The following SUCO variants were observed in gnomAD, a reference collection of about 807,000 sequenced individuals.
SUCO encodes SUN domain containing ossification factor.
A neutral mutation model predicts 148.1 loss-of-function variants in SUCO; 57 were observed. The ratio of observed to expected loss-of-function variants is 0.38; its 90% CI spans 0.31 to 0.48. The LOEUF (loss-of-function observed/expected upper bound fraction) is 0.48, where lower values mean the gene tolerates loss of function less well. SUCO is among the 20% of genes least tolerant of loss of function. The pLI is 0.96. For synonymous variants in SUCO, 470 were observed against 502.7 expected (o/e 0.93, Z 0.87); for missense variants, 1,331 against 1,468.2 (o/e 0.91, Z 1.53).
intron 4 of SUCO, 71 bp downstream of exon 4, chr1:172,556,094 A>G (rs1653739865): frequency 2.4e-6 from 3 of 1,272,402 alleles, no homozygotes; most frequent in South Asian, 1.3e-5. Context: ...TCCTTAAAAG[A>G]TAAAGCAGCT....
intron 23 of SUCO, chr1:172,609,525 A>G: frequency 1.0e-6 from 1 of 967,330 alleles, no homozygotes; most frequent in Non-Finnish European, 1.2e-6. Flanking sequence ...AGCAACCTGT[A>G]TGCTCTCTGG....
chr1:172,556,724 G>C, intron 4 of SUCO: 1 of 985,136 alleles, frequency 1.0e-6, no homozygotes, highest in Middle Eastern at 5.2e-4. Context: ...GGGAACAGAA[G>C]ACATGTTGAG....
upstream of SUCO, chr1:172,532,564 A>C: frequency 6.2e-7 from 1 of 1,613,924 alleles, no homozygotes; most frequent in Non-Finnish European, 8.5e-7. Flanking sequence ...GGCTTGGTGC[A>C]GCTTCCCTCA....
intron 14 of SUCO, chr1:172,578,614 A>C: frequency 2.3e-6 from 2 of 856,098 alleles, no homozygotes; most frequent in Non-Finnish European, 2.8e-6. Flanking sequence ...TTTGTAACTG[A>C]AACTCCCTTC....
chr1:172,585,218 T>A (rs756376083), intron 16 of SUCO, 132 bp downstream of exon 16: 310 of 824,414 alleles, frequency 3.8e-4, no homozygotes, highest in Non-Finnish European at 5.1e-4. Context: ...CAGAGGAACT[T>A]ACCAATCTTT....
At chr1:172,538,495 C>T (rs1469097809) in intron 1 of SUCO, among the ~76,000 whole-genome samples, 1 of 151,944 alleles carries the variant, frequency 6.6e-6, no homozygotes, top group African/African-American at 2.4e-5. Context: ...GGAAACATAT[C>T]GATAAAACAT....
intron 1 of SUCO, among the ~76,000 whole-genome samples, chr1:172,547,177 T>G (rs1652925542): frequency 6.6e-6 from 1 of 152,234 alleles, no homozygotes; most frequent in South Asian, 2.1e-4. Context: ...CTTCTTTTAC[T>G]CAATGTAATG....
intron 6 of SUCO, among the ~76,000 whole-genome samples, chr1:172,563,022 T>C (rs957494898): frequency 6.6e-6 from 1 of 152,234 alleles, no homozygotes; most frequent in Non-Finnish European, 1.5e-5. Flanking sequence ...CCCTTTGCCC[T>C]TCTGCTGTGA....
At chr1:172,578,489 G>A in intron 14 of SUCO, 100 bp downstream of exon 14, 2 of 1,400,022 alleles carry the variant, frequency 1.4e-6, no homozygotes, top group Non-Finnish European at 1.9e-6. Flanking sequence ...CAATATGACT[G>A]TTGTCTTCAG....
At chr1:172,590,255 G>GA in intron 18 of SUCO, 2 of 868,818 alleles carry the variant, frequency 2.3e-6, no homozygotes, top group African/African-American at 1.8e-5. Context: ...AGGGCTCATG[G>GA]AAAAAAATGA....
intron 10 of SUCO, chr1:172,574,840 T>C (rs1360582244): frequency 1.0e-6 from 1 of 981,324 alleles, no homozygotes; most frequent in East Asian, 1.1e-4. Flanking sequence ...ATATATACAG[T>C]TTTTGAAATC....
In SUCO at chr1:172,543,080, T is replaced by C. The variant is rs1188271494; in HGVS notation, c.63-8432T>C. 5 of 916,638 alleles carry C rather than the reference T, an allele frequency of 5.5e-6. No individual in the cohort carries two copies. The East Asian group carries it at 5.9e-4, about 108-fold the overall frequency. 56.8% of individuals were successfully genotyped at this position (916,638 alleles called of 1,614,324 possible). ...AACATGTAGAGTAGCTTCATACTTG[T>C]ATGCTGCAACCCATTTTACACAGTG... On this transcript the variant is annotated intron_variant, in intron 1 of 23. Transcript: ENST00000263688.
chr1:172,586,620 T>G (rs1656264727), intron 17 of SUCO, among the ~76,000 whole-genome samples: 1 of 152,176 alleles, frequency 6.6e-6, no homozygotes, highest in East Asian at 1.9e-4. Flanking sequence ...AATTTATGTA[T>G]ATTTCATTAG....
intron 1 of SUCO, among the ~76,000 whole-genome samples, chr1:172,541,578 A>G (rs1481563587): frequency 1.3e-5 from 2 of 152,196 alleles, no homozygotes; most frequent in South Asian, 2.1e-4. Context: ...TAAATGATTT[A>G]ATTTTGTGAA....
chr1:172,548,933 A>C (rs1191926232), intron 1 of SUCO, among the ~76,000 whole-genome samples: 1 of 151,968 alleles, frequency 6.6e-6, no homozygotes, highest in Non-Finnish European at 1.5e-5. Context: ...AAAATAGACC[A>C]CCATACTTTT....
intron 19 of SUCO, among the ~76,000 whole-genome samples, chr1:172,591,629 A>G (rs1571270517): frequency 6.6e-6 from 1 of 151,960 alleles, no homozygotes; most frequent in Non-Finnish European, 1.5e-5. Context: ...TTATGGCTGC[A>G]TAGTATTCCA....
At chr1:172,586,465 G>T (rs1162733414) in intron 17 of SUCO, among the ~76,000 whole-genome samples, 1 of 152,118 alleles carries the variant, frequency 6.6e-6, no homozygotes, top group Non-Finnish European at 1.5e-5. Flanking sequence ...GGGCAGGGAT[G>T]TATCTAAATA....
rs564146006 is a variant in SUCO at position 172,595,172 on chromosome 1, T to C, written c.2913+4101T>C. Among the ~76,000 whole-genome samples, 159 of 152,344 alleles carry C rather than the reference T, an allele frequency of 1.0e-3. 1 individual carries two copies. The highest frequency in any genetic ancestry group is 3.4e-3 in the African/African-American group (143 of 41,582). ...TCCATCCCTTTATTTTGAGCCTGTG[T>C]GTGTCTCTGCACATGAGATGGGTCT... is the stretch of plus-strand genomic sequence containing the variant. On this transcript the variant is annotated intron_variant, in intron 19 of 23. Coordinates refer to ENST00000263688, the MANE Select transcript of SUCO (RefSeq NM_014283.5).
At chr1:172,553,198 T>G in intron 2 of SUCO, 62 bp from the exon 3 acceptor site, 1 of 1,416,474 alleles carries the variant, frequency 7.1e-7, no homozygotes, top group Non-Finnish European at 9.3e-7. Flanking sequence ...ATCTTCGTAT[T>G]GCTTTATAAC....
Sources: allele counts gnomAD v4.1 joint callset (sites outside exome capture counted in the v4.1 genomes callset), GRCh38; gene constraint gnomAD v4.1.1; transcripts MANE v1.5; gene names NCBI Gene and HGNC (gene_info 2026-07-23, HGNC 2026-07-21).